CLINT1: variants seen among roughly 807,000 people sequenced by gnomAD.
CLINT1 encodes the protein clathrin interactor 1, also known as clathrin interacting protein localized in the trans-Golgi region.
Under a neutral mutation model 70.4 loss-of-function variants are expected in CLINT1, and 15 were observed. The observed-to-expected ratio is 0.21, with a 90% CI of 0.14 to 0.33. CLINT1 has a LOEUF of 0.33. CLINT1 is among the 10% of genes least tolerant of loss of function. CLINT1 has a pLI of 1.00. For synonymous variants in CLINT1, 227 were observed against 254.7 expected (o/e 0.89, Z 1.04); for missense variants, 615 against 778.1 (o/e 0.79, Z 2.49).
At chr5:157,830,608 G>A (rs756784665) in intron 1 of CLINT1, among the ~76,000 whole-genome samples, 39 of 151,872 alleles carry the variant, frequency 2.6e-4, no homozygotes, top group Non-Finnish European at 4.6e-4. Flanking sequence ...TGGCAAGATG[G>A]TTCACGGCTG....
At chr5:157,856,320 C>G (rs1417029680) in intron 1 of CLINT1, among the ~76,000 whole-genome samples, 1 of 152,190 alleles carries the variant, frequency 6.6e-6, no homozygotes, top group Non-Finnish European at 1.5e-5. Context: ...CCTCATTTTA[C>G]AGATAAGGAA....
chr5:157,857,768 C>T (rs1753804793), intron 1 of CLINT1, among the ~76,000 whole-genome samples: 1 of 152,196 alleles, frequency 6.6e-6, no homozygotes, highest in South Asian at 2.1e-4. Flanking sequence ...CACTCTATTG[C>T]CTTCTTGGTA....
intron 9 of CLINT1, among the ~76,000 whole-genome samples, chr5:157,792,624 C>A (rs1761952813): frequency 6.6e-6 from 1 of 152,140 alleles, no homozygotes; most frequent in South Asian, 2.1e-4. Context: ...TAGCACATTG[C>A]CTGCTTCAAC....
At chr5:157,812,920 G>C in intron 5 of CLINT1, 143 bp downstream of exon 5, 1 of 733,402 alleles carries the variant, frequency 1.4e-6, no homozygotes, top group Non-Finnish European at 2.2e-6. Flanking sequence ...TAGAAGTCAA[G>C]ATTAGTACTG....
At chr5:157,840,191 T>TAAAAA (rs1753116424) in intron 1 of CLINT1, among the ~76,000 whole-genome samples, 1 of 13,152 alleles carries the variant, frequency 7.6e-5, no homozygotes, top group African/African-American at 3.7e-4. Context: ...TGAGACTGCC[T>TAAAAA]CAAAAAAAAA....
chr5:157,810,234 C>G (rs1273529322), intron 5 of CLINT1, among the ~76,000 whole-genome samples: 1 of 152,168 alleles, frequency 6.6e-6, no homozygotes, highest in Non-Finnish European at 1.5e-5. Flanking sequence ...TGGATAGCAA[C>G]AGTATCTTAA....
intron 8 of CLINT1, among the ~76,000 whole-genome samples, chr5:157,796,896 A>G (rs1486236056): frequency 6.6e-6 from 1 of 152,080 alleles, no homozygotes; most frequent in Non-Finnish European, 1.5e-5. Flanking sequence ...ACATATATAT[A>G]TATATATATA....
chr5:157,788,991 A>G (rs1761816379), intron 11 of CLINT1, among the ~76,000 whole-genome samples: 2 of 145,444 alleles, frequency 1.4e-5, no homozygotes, highest in Admixed American at 7.0e-5. Context: ...AAAAAAAAAG[A>G]AAACATAGAA....
At chr5:157,806,963 GGAGAGAGAGA>G (rs3836885) in intron 6 of CLINT1, among the ~76,000 whole-genome samples, 14 of 145,956 alleles carry the variant, frequency 9.6e-5, no homozygotes, top group South Asian at 2.2e-4. Context: ...GATGTAAGTA[GGAGAGAGAGA>G]GAGAGAGAGA....
chr5:157,850,366 C>T (rs1364987529), intron 1 of CLINT1, among the ~76,000 whole-genome samples: 1 of 152,076 alleles, frequency 6.6e-6, no homozygotes, highest in Non-Finnish European at 1.5e-5. Context: ...GCCTATAATC[C>T]TAGCACTTTG....
intron 8 of CLINT1, chr5:157,795,198 C>T: frequency 2.0e-6 from 1 of 491,460 alleles, no homozygotes; most frequent in Non-Finnish European, 3.6e-6. Flanking sequence ...AGATAAATGA[C>T]ACTGTATCTG....
intron 1 of CLINT1, among the ~76,000 whole-genome samples, 154 bp downstream of exon 1, chr5:157,858,776 A>C (rs1447359819): frequency 6.6e-6 from 1 of 152,118 alleles, no homozygotes; most frequent in Non-Finnish European, 1.5e-5. Flanking sequence ...AGCGGGGATG[A>C]GGCCCGGGGC....
At chr5:157,841,021 G>A (rs1753156106) in intron 1 of CLINT1, among the ~76,000 whole-genome samples, 1 of 152,166 alleles carries the variant, frequency 6.6e-6, no homozygotes, top group African/African-American at 2.4e-5. Context: ...CAGCACTTTG[G>A]AAGGCCAAGG....
intron 8 of CLINT1, among the ~76,000 whole-genome samples, chr5:157,801,304 T>C (rs1269534117): frequency 3.4e-5 from 5 of 145,614 alleles, no homozygotes; most frequent in South Asian, 2.2e-4. Flanking sequence ...GTCAGGAGTT[T>C]GAGACCAAGC....
intron 9 of CLINT1, among the ~76,000 whole-genome samples, chr5:157,794,203 T>C (rs1484169563): frequency 6.6e-6 from 1 of 152,128 alleles, no homozygotes; most frequent in Non-Finnish European, 1.5e-5. Flanking sequence ...AGCAACACCG[T>C]TCCCAGTTTT....
intron 5 of CLINT1, among the ~76,000 whole-genome samples, chr5:157,812,386 G>A (rs1439292204): frequency 6.6e-6 from 1 of 152,182 alleles, no homozygotes; most frequent in Non-Finnish European, 1.5e-5. Flanking sequence ...GGGACATGCC[G>A]TGAAAGACAG....
Position 157,789,516 on chromosome 5 carries a change from G to A in CLINT1, c.1381-3C>T, listed in dbSNP as rs1360017124. 1 of 1,613,938 alleles carries A rather than the reference G, an allele frequency of 6.2e-7. No homozygotes were observed. The highest frequency in any genetic ancestry group is 8.5e-7 in the Non-Finnish European group (1 of 1,179,864). Reference sequence around the variant, plus strand: ...GATTTCTGGACCATATCTGTATTCTGATTATAGAGAGGATTAGGCTTCTGC... The same window carrying A: ...GATTTCTGGACCATATCTGTATTCTAATTATAGAGAGGATTAGGCTTCTGC... On this transcript the variant is annotated splice_region_variant and splice_polypyrimidine_tract_variant and intron_variant, in intron 10 of 11. Transcript: ENST00000411809.
At position 157,787,710 on chromosome 5, in the gene CLINT1, A is replaced by C. The variant is rs746112729; in HGVS notation, c.1814T>G (p.Met605Arg). Residue 605 changes from methionine (M) to arginine (R), a missense_variant, in exon 12 of 12, where the codon ATG becomes AGG. Physicochemically the swap from Met to Arg is moderately conservative, Grantham distance 91. Coordinates refer to ENST00000411809, the MANE Select transcript of CLINT1 (RefSeq NM_014666.4). ...TMGMGMPNIA[M>R]TSGTVQPKQD... is the part of the protein sequence containing the mutation. ...CTTGGGTTGCACAGTTCCAGAAGTC[A>C]TGGCTATGTTGGGCATGCCCATTCC... 8.1e-6 allele frequency: 13 copies of C among 1,613,942 alleles called. No homozygotes were observed. The highest frequency in any genetic ancestry group is 2.2e-5 in the East Asian group (1 of 44,898).
rs928497750 is a variant in CLINT1, at chr5:157,814,974, A to G, written c.244-681T>C. Reference sequence around the variant, plus strand: ...CTCGAACCCAGAAGGTGGAGGTTGCAGTGAGCTGAGCCCGCACCACTGCAC... The same window carrying G: ...CTCGAACCCAGAAGGTGGAGGTTGCGGTGAGCTGAGCCCGCACCACTGCAC... On this transcript the variant is annotated intron_variant, in intron 3 of 11. Coordinates refer to ENST00000411809, the MANE Select transcript of CLINT1 (RefSeq NM_014666.4). 2.6e-5 allele frequency among the ~76,000 whole-genome samples: 4 copies of G among 151,278 alleles called. No homozygotes were observed. In the East Asian group the frequency reaches 7.8e-4, roughly 29 times the overall value.
Sources: allele counts gnomAD v4.1 joint callset (sites outside exome capture counted in the v4.1 genomes callset), GRCh38; gene constraint gnomAD v4.1.1; transcripts MANE v1.5; gene names NCBI Gene and HGNC (gene_info 2026-07-23, HGNC 2026-07-21).